Variants in KIF11 observed in about 807,000 individuals in gnomAD.
KIF11 encodes kinesin family member 11.
In KIF11, 9 loss-of-function variants were observed where a neutral mutation model predicts 121.0. The ratio of observed to expected loss-of-function variants is 0.07; its 90% CI spans 0.04 to 0.13. The LOEUF is 0.13. Among genes scored for constraint, KIF11 ranks in the 10% least tolerant of loss-of-function variants. The probability of loss-of-function intolerance (pLI) is 1.00; values close to 1 mark genes in which losing one functional copy is unlikely to be tolerated. For missense variants in KIF11, 846 were observed against 1,217.5 expected (o/e 0.69, Z 4.54); for synonymous variants, 408 against 421.0 (o/e 0.97, Z 0.38).
chr10:92,651,112 G>A (rs565460824), intron 21 of KIF11, among the ~76,000 whole-genome samples: 6 of 150,376 alleles, frequency 4.0e-5, no homozygotes, highest in South Asian at 2.1e-4. Context: ...CTTAACCTCC[G>A]CCTCCTGAGT....
intron 9 of KIF11, among the ~76,000 whole-genome samples, chr10:92,620,620 G>A (rs771015250): frequency 1.1e-4 from 17 of 152,136 alleles, no homozygotes; most frequent in Non-Finnish European, 2.1e-4. Context: ...ACCCGAGACT[G>A]GGCAATTTAC....
chr10:92,610,238 T>A (rs951864364), intron 6 of KIF11, among the ~76,000 whole-genome samples: 5 of 152,280 alleles, frequency 3.3e-5, no homozygotes, highest in African/African-American at 2.4e-5. Context: ...TTGCATTGAA[T>A]AAGGATTAGA....
At chr10:92,637,631 A>G in intron 16 of KIF11, 86 bp downstream of exon 16, 1 of 1,304,096 alleles carries the variant, frequency 7.7e-7, no homozygotes, top group Non-Finnish European at 1.1e-6. Context: ...ATGTTACACA[A>G]TCTGAATACT....
intron 9 of KIF11, among the ~76,000 whole-genome samples, chr10:92,617,070 A>G (rs1844564904): frequency 6.6e-6 from 1 of 152,220 alleles, no homozygotes; most frequent in African/African-American, 2.4e-5. Flanking sequence ...ATTTATTTAC[A>G]TTTACAAAAT....
intron 18 of KIF11, among the ~76,000 whole-genome samples, chr10:92,646,376 G>A (rs928884123): frequency 2.6e-5 from 4 of 152,172 alleles, no homozygotes; most frequent in East Asian, 3.8e-4. Context: ...CTTAACGCTT[G>A]CATGAGCCCT....
At chr10:92,636,169 C>T (rs957262955) in intron 14 of KIF11, among the ~76,000 whole-genome samples, 2 of 152,336 alleles carry the variant, frequency 1.3e-5, no homozygotes, top group Non-Finnish European at 1.5e-5. Context: ...TTGATGACTA[C>T]TTGGTCTCAG....
chr10:92,650,525 A>C lies in KIF11; in HGVS notation c.3039+8A>C. On this transcript the variant is annotated splice_region_variant and intron_variant, in intron 21 of 21. Transcript: ENST00000260731. ...GGGGTTCCATTTTTCCAGGTATGTC[A>C]TATCAGATAACCCTTCCACATCTGA... 7.0e-7 allele frequency: 1 copy of C among 1,425,000 alleles called. No homozygotes were observed. The highest frequency in any genetic ancestry group is 9.9e-7 in the Non-Finnish European group (1 of 1,007,602). The allele number at this position is 1,425,000 out of a possible 1,614,324, so 88.3% of individuals were successfully genotyped here.
rs1175303233 is a variant in KIF11 at position 92,651,507 on chromosome 10, G to GTTTTTTTTTTTTT, written c.3039+1019_3039+1031dup. 3.6e-4 allele frequency among the ~76,000 whole-genome samples: 19 copies of GTTTTTTTTTTTTT among 52,968 alleles called. 1 individual carries two copies. Among genetic ancestry groups the GTTTTTTTTTTTTT allele is most frequent in the South Asian group, 9.7e-4 (1 of 1,030 alleles). 34.7% of individuals were successfully genotyped at this position (52,968 alleles called of 152,430 possible). On this transcript the variant is annotated intron_variant, in intron 21 of 21. Transcript: ENST00000260731. ...TGTGCCACCATGCCTGGCTAATTTT[G>GTTTTTTTTTTTTT]TTTTTTTTTTTTTTTTTTTTTTTTT...
In KIF11 at chr10:92,639,820, G is replaced by T; in HGVS notation, c.2187G>T (p.Trp729Cys). Residue 729 changes from tryptophan (W) to cysteine (C), a missense_variant, in exon 17 of 22, where the codon TGG becomes TGT. Transcript: ENST00000260731. ...SQELCKLMNL[W>C]TERFCALEEK... ...AACTTTGCAAGTTAATGAATCTTTG[G>T]ACAGAGAGATTCTGTGCTTTGGAGG... is the stretch of plus-strand genomic sequence containing the variant. 1 of 1,610,954 alleles carries T rather than the reference G, an allele frequency of 6.2e-7. No homozygotes were observed. The highest frequency in any genetic ancestry group is 8.5e-7 in the Non-Finnish European group (1 of 1,178,158).
In KIF11 at chr10:92,637,501, A is replaced by G; in HGVS notation, c.2116A>G (p.Asn706Asp). 6.2e-7 allele frequency: 1 copy of G among 1,606,912 alleles called. No individual in the cohort carries two copies. The highest frequency in any genetic ancestry group is 8.5e-7 in the Non-Finnish European group (1 of 1,178,508). Residue 706 changes from asparagine (N) to aspartate (D), a missense_variant, in exon 16 of 22, where the codon AAC becomes GAC. Coordinates refer to ENST00000260731, the MANE Select transcript of KIF11 (RefSeq NM_004523.4). ...SLVESQKQCG[N>D]LTEDLKTIKQ... is the part of the protein sequence containing the mutation. The stretch of plus-strand genomic sequence containing the variant: ...GGTTGAGTCACAAAAGCAATGTGGA[A>G]ACCTAACTGAAGACCTGAAGACAAT...
chr10:92,651,525 TTTTTTTTTTTTTTTTTTTTTTTTA>T (rs1564719322), intron 21 of KIF11, among the ~76,000 whole-genome samples: 4 of 94,342 alleles, frequency 4.2e-5, no homozygotes, highest in Non-Finnish European at 6.2e-5. Context: ...TTTTTTTTTT[TTTTTTTTTTTTTTTTTTTTTTTTA>T]GTAGAGGGGG....
chr10:92,640,413 T>C (rs1018720242), intron 17 of KIF11, among the ~76,000 whole-genome samples: 3 of 152,090 alleles, frequency 2.0e-5, no homozygotes, highest in African/African-American at 7.2e-5. Flanking sequence ...CTGATTCCTG[T>C]ATTAGGGTTT....
intron 4 of KIF11, 120 bp downstream of exon 4, chr10:92,607,357 A>G: frequency 1.6e-6 from 1 of 607,912 alleles, no homozygotes; most frequent in Non-Finnish European, 2.9e-6. Flanking sequence ...AAATGAACTT[A>G]GGATAAACCA....
intron 17 of KIF11, among the ~76,000 whole-genome samples, chr10:92,644,808 A>G (rs1173034506): frequency 6.6e-6 from 1 of 152,222 alleles, no homozygotes; most frequent in African/African-American, 2.4e-5. Flanking sequence ...ATTATCAATG[A>G]ATTTTAAATG....
At chr10:92,614,532 G>A (rs938889769) in intron 8 of KIF11, among the ~76,000 whole-genome samples, 3 of 152,012 alleles carry the variant, frequency 2.0e-5, no homozygotes, top group South Asian at 2.1e-4. Flanking sequence ...TTTCTTAATG[G>A]CTTTTTCCAC....
chr10:92,636,563 C>T (rs1254180574), intron 14 of KIF11, among the ~76,000 whole-genome samples: 7 of 151,564 alleles, frequency 4.6e-5, no homozygotes, highest in Admixed American at 2.0e-4. Flanking sequence ...TTGCAGTGAG[C>T]CAAGATCACG....
At chr10:92,594,056 T>A (rs1327028017) in intron 1 of KIF11, among the ~76,000 whole-genome samples, 1 of 152,024 alleles carries the variant, frequency 6.6e-6, no homozygotes, top group Non-Finnish European at 1.5e-5. Flanking sequence ...TGTGGAGGGG[T>A]GTTCGGCCCT....
rs377725198 is a variant in KIF11 at position 92,632,677 on chromosome 10, A to C, written c.1686A>C (p.Val562=). The C allele has an allele frequency of 1.9e-6, 3 of 1,603,070 alleles. No individual in the cohort carries two copies. In the African/African-American group the frequency reaches 4.0e-5, roughly 22 times the overall value. ...GSSKQKAMLE[V]HKTLFGNLLS... is the part of the protein sequence containing the mutation. ...CAAAGCAAAAGGCCATGCTAGAAGT[A>C]CATAAGACCTTATTTGGTAAGTTCA... is the stretch of plus-strand genomic sequence containing the variant. The change falls in exon 13 of 22, where the codon GTA becomes GTC. Residue 562 remains valine, a synonymous_variant. Transcript: ENST00000260731.
intron 8 of KIF11, 139 bp from the exon 9 acceptor site, chr10:92,616,597 AG>A: frequency 2.1e-6 from 1 of 486,352 alleles, no homozygotes; most frequent in Non-Finnish European, 3.6e-6. Flanking sequence ...GGTTGGGCAT[AG>A]TGGTCTTAAT....
Sources: allele counts gnomAD v4.1 joint callset (sites outside exome capture counted in the v4.1 genomes callset), GRCh38; gene constraint gnomAD v4.1.1; transcripts MANE v1.5; gene names NCBI Gene and HGNC (gene_info 2026-07-23, HGNC 2026-07-21).